FMNL2: variants seen among roughly 807,000 people sequenced by gnomAD.
FMNL2 encodes the protein formin-like protein 2.
A neutral mutation model predicts 130.2 loss-of-function variants in FMNL2; 51 were observed. That is an observed-to-expected ratio of 0.39 (90% CI 0.31 to 0.49). The LOEUF (loss-of-function observed/expected upper bound fraction) is 0.49, where lower values mean the gene tolerates loss of function less well. Ranked by LOEUF, FMNL2 falls within the 20% of genes least tolerant of loss-of-function variation. FMNL2 has a pLI of 0.85. For missense variants in FMNL2, 977 were observed against 1,316.2 expected (o/e 0.74, Z 3.99); for synonymous variants, 465 against 467.1 (o/e 1.00, Z 0.06).
At chr2:152,605,582 C>G (rs1273634621) in intron 9 of FMNL2, among the ~76,000 whole-genome samples, 1 of 152,218 alleles carries the variant, frequency 6.6e-6, no homozygotes, top group Non-Finnish European at 1.5e-5. Flanking sequence ...GCTTTGGCCT[C>G]TCAAAGCCCT....
intron 4 of FMNL2, among the ~76,000 whole-genome samples, chr2:152,558,298 A>C (rs1049631450): frequency 6.6e-6 from 1 of 152,182 alleles, no homozygotes; most frequent in South Asian, 2.1e-4. Context: ...TAGTGTGCCA[A>C]GGACTTGAAC....
intron 9 of FMNL2, among the ~76,000 whole-genome samples, chr2:152,588,736 T>A (rs1306955288): frequency 6.6e-6 from 1 of 151,848 alleles, no homozygotes; most frequent in East Asian, 1.9e-4. Flanking sequence ...AAGAGAAAAA[T>A]TGGGATAGGA....
chr2:152,575,653 A>G (rs1696434447), intron 7 of FMNL2, among the ~76,000 whole-genome samples: 1 of 152,206 alleles, frequency 6.6e-6, no homozygotes, highest in Admixed American at 6.5e-5. Flanking sequence ...TTTTCCTCCT[A>G]TAGAGATAAA....
At chr2:152,392,098 A>G (rs558645194) in intron 1 of FMNL2, among the ~76,000 whole-genome samples, 6 of 152,200 alleles carry the variant, frequency 3.9e-5, no homozygotes, top group Non-Finnish European at 7.4e-5. Flanking sequence ...GAGGTTCTCT[A>G]CCTACCCAAC....
chr2:152,500,669 G>A (rs879826197), intron 1 of FMNL2, among the ~76,000 whole-genome samples: 3 of 152,132 alleles, frequency 2.0e-5, no homozygotes, highest in Non-Finnish European at 2.9e-5. Flanking sequence ...CCAACATGGC[G>A]AAACCCTGTT....
chr2:152,414,412 T>A (rs1402026378), intron 1 of FMNL2, among the ~76,000 whole-genome samples: 1 of 152,208 alleles, frequency 6.6e-6, no homozygotes, highest in African/African-American at 2.4e-5. Flanking sequence ...TTTGTAACTT[T>A]CATTAAAGTT....
chr2:152,387,411 C>T (rs1029972290), intron 1 of FMNL2, among the ~76,000 whole-genome samples: 5 of 152,098 alleles, frequency 3.3e-5, no homozygotes, highest in East Asian at 3.8e-4. Context: ...TTGTTGAGTA[C>T]GGAGTGTGAT....
At chr2:152,448,700 G>T (rs562972535) in intron 1 of FMNL2, among the ~76,000 whole-genome samples, 1 of 152,180 alleles carries the variant, frequency 6.6e-6, no homozygotes, top group Non-Finnish European at 1.5e-5. Context: ...TGTAATTCTC[G>T]TGAAGCCTTG....
chr2:152,605,180 T>C (rs541699419), intron 9 of FMNL2, among the ~76,000 whole-genome samples: 15 of 152,262 alleles, frequency 9.9e-5, no homozygotes, highest in African/African-American at 2.9e-4. Flanking sequence ...TCAGCCATTG[T>C]GGAGCATCAA....
intron 1 of FMNL2, among the ~76,000 whole-genome samples, chr2:152,423,474 G>A (rs757320917): frequency 3.3e-5 from 5 of 152,208 alleles, no homozygotes; most frequent in Non-Finnish European, 7.3e-5. Context: ...GGGGGAAGCA[G>A]TAGCTAACTA....
chr2:152,516,150 C>T (rs1467383296), intron 1 of FMNL2, among the ~76,000 whole-genome samples: 1 of 152,006 alleles, frequency 6.6e-6, no homozygotes, highest in Non-Finnish European at 1.5e-5. Context: ...GGGAAGGGAA[C>T]ATGGGGAGTT....
intron 1 of FMNL2, among the ~76,000 whole-genome samples, chr2:152,414,867 A>G (rs1686519801): frequency 6.6e-6 from 1 of 152,220 alleles, no homozygotes; most frequent in African/African-American, 2.4e-5. Context: ...GTGTACCTCA[A>G]CACTCACTGG....
At chr2:152,389,090 G>C (rs920697012) in intron 1 of FMNL2, among the ~76,000 whole-genome samples, 2 of 146,718 alleles carry the variant, frequency 1.4e-5, no homozygotes, top group Admixed American at 6.9e-5. Flanking sequence ...GGAGGGTGCT[G>C]CAAATGAAAG....
At chr2:152,609,568 G>T (rs1178705442) in intron 10 of FMNL2, among the ~76,000 whole-genome samples, 9 of 152,022 alleles carry the variant, frequency 5.9e-5, no homozygotes, top group African/African-American at 2.2e-4. Context: ...TTTCTAGTTT[G>T]TATTTTGTAC....
chr2:152,395,874 G>A (rs1685363591), intron 1 of FMNL2, among the ~76,000 whole-genome samples: 1 of 127,022 alleles, frequency 7.9e-6, no homozygotes, highest in African/African-American at 2.9e-5. Context: ...GAAGGTGGGA[G>A]TCGTAGAGTG....
At position 152,578,876 on chromosome 2, in the gene FMNL2, T is replaced by C. The variant is rs1580003846; in HGVS notation, c.706-12T>C. 6.2e-7 allele frequency: 1 copy of C among 1,605,454 alleles called. No individual in the cohort carries two copies. The highest frequency in any genetic ancestry group is 1.3e-5 in the African/African-American group (1 of 74,676). On this transcript the variant is annotated splice_polypyrimidine_tract_variant and intron_variant, in intron 7 of 25. Transcript: ENST00000288670. ...TGCTTTGTGTTTCTTTTTTTTTCCA[T>C]GTTAATTTTAGTATGGTTTCAACAT...
chr2:152,624,523 C>CT (rs538546926), intron 15 of FMNL2, among the ~76,000 whole-genome samples: 1 of 151,968 alleles, frequency 6.6e-6, no homozygotes, highest in Non-Finnish European at 1.5e-5. Context: ...GTATGTACCC[C>CT]TTTTTTCACT....
intron 25 of FMNL2, among the ~76,000 whole-genome samples, chr2:152,641,290 G>C (rs1419557156): frequency 6.6e-6 from 1 of 152,094 alleles, no homozygotes; most frequent in African/African-American, 2.4e-5. Flanking sequence ...TGCTCTTTAA[G>C]AGCCTCTTTA....
intron 1 of FMNL2, chr2:152,390,535 TG>T: frequency 1.3e-6 from 2 of 1,536,482 alleles, no homozygotes; most frequent in Non-Finnish European, 1.8e-6. Flanking sequence ...CAGAAGTCCA[TG>T]GGGCTGCCAA....
Sources: gnomAD v4.1 joint callset for allele counts (sites outside exome capture counted in the v4.1 genomes callset) on GRCh38, gnomAD v4.1.1 for gene constraint, MANE v1.5 for transcripts, NCBI Gene and HGNC (gene_info 2026-07-23, HGNC 2026-07-21) for gene names.